TGFBR1: variants seen among roughly 807,000 people sequenced by gnomAD.
The protein encoded by TGFBR1 is transforming growth factor beta receptor 1, also known as TGF-beta receptor type-1.
Under a neutral mutation model 55.1 loss-of-function variants are expected in TGFBR1, and 20 were observed. The observed-to-expected ratio is 0.36, with a 90% CI of 0.26 to 0.53. The LOEUF is 0.53. TGFBR1 is among the 20% of genes least tolerant of loss of function. The pLI is 0.91. For missense variants in TGFBR1, 385 were observed against 617.6 expected (o/e 0.62, Z 3.99); for synonymous variants, 220 against 214.8 (o/e 1.02, Z -0.21).
intron 3 of TGFBR1, among the ~76,000 whole-genome samples, chr9:99,134,830 A>ATATATATATATATTTG (rs1827378760): frequency 8.9e-6 from 1 of 112,508 alleles, no homozygotes; most frequent in African/African-American, 3.2e-5. Context: ...ATATATATAT[A>ATATATATATATATTTG]TATATATATA....
chr9:99,140,049 A>C (rs534622055), intron 4 of TGFBR1, among the ~76,000 whole-genome samples: 2 of 152,218 alleles, frequency 1.3e-5, no homozygotes, highest in Non-Finnish European at 2.9e-5. Context: ...ATCCTATTGC[A>C]TCATATGTGG....
rs1828016460 is a variant in TGFBR1, at chr9:99,152,874, ACTTC to A, written c.*3570_*3573del. 1 of 231,428 alleles carries A rather than the reference ACTTC, an allele frequency of 4.3e-6. No individual in the cohort carries two copies. Among genetic ancestry groups the A allele is most frequent in the African/African-American group, 2.2e-5 (1 of 45,234 alleles). 14.3% of individuals were successfully genotyped at this position (231,428 alleles called of 1,614,324 possible). ...CCATGGGCCCTCTCAAGAGTGCTGG[ACTTC>A]TAGGACATTAAGATGATTGTCAGTA... is the stretch of plus-strand genomic sequence containing the variant. On this transcript the variant is annotated 3_prime_UTR_variant, in exon 9 of 9. Transcript: ENST00000374994.
chr9:99,139,463 T>C (rs191746963), intron 4 of TGFBR1, among the ~76,000 whole-genome samples: 6 of 152,238 alleles, frequency 3.9e-5, no homozygotes, highest in Non-Finnish European at 7.4e-5. Flanking sequence ...AAAAGCAGAG[T>C]AGTTACAGTG....
At chr9:99,121,712 T>C (rs921383613) in intron 1 of TGFBR1, among the ~76,000 whole-genome samples, 2 of 152,264 alleles carry the variant, frequency 1.3e-5, no homozygotes, top group East Asian at 3.9e-4. Flanking sequence ...ACTTGCCTGT[T>C]GGTACATGTT....
chr9:99,131,168 A>G (rs1313645828), intron 2 of TGFBR1, among the ~76,000 whole-genome samples: 4 of 152,194 alleles, frequency 2.6e-5, no homozygotes, highest in African/African-American at 9.6e-5. Context: ...AAAGAATTAT[A>G]TAAGCATTTA....
Position 99,131,274 on chromosome 9 carries a change from G to A in TGFBR1, c.344-1235G>A, listed in dbSNP as rs557420318. Among the ~76,000 whole-genome samples, 19 of 151,332 alleles carry A rather than the reference G, an allele frequency of 1.3e-4. No individual in the cohort carries two copies. The East Asian group carries it at 3.3e-3, about 26-fold the overall frequency. The stretch of plus-strand genomic sequence containing the variant: ...CAAAGGGCAAATGGAACATTTTTAC[G>A]ATCACCTAAAATTCTTGAAATAGGC... On this transcript the variant is annotated intron_variant, in intron 2 of 8. Transcript: ENST00000374994.
intron 4 of TGFBR1, among the ~76,000 whole-genome samples, chr9:99,138,862 A>G (rs905225557): frequency 2.8e-4 from 43 of 152,024 alleles, no homozygotes; most frequent in African/African-American, 9.9e-4. Context: ...CAGTGGTGCA[A>G]TCTCGGCTCA....
chr9:99,142,819 G>A, intron 5 of TGFBR1, 116 bp downstream of exon 5: 1 of 1,221,160 alleles, frequency 8.2e-7, no homozygotes, highest in Non-Finnish European at 1.2e-6. Flanking sequence ...AGCACTTTGG[G>A]AGGCTGAGGT....
intron 1 of TGFBR1, among the ~76,000 whole-genome samples, chr9:99,115,945 C>T (rs1826722519): frequency 6.6e-6 from 1 of 152,182 alleles, no homozygotes; most frequent in Non-Finnish European, 1.5e-5. Context: ...AAGACAATTT[C>T]TGATTGCCAG....
chr9:99,146,710 C>G (rs1827808807), intron 7 of TGFBR1, 101 bp downstream of exon 7: 1 of 1,555,336 alleles, frequency 6.4e-7, no homozygotes, highest in Non-Finnish European at 8.9e-7. Context: ...AGTCCATTAT[C>G]TGAAACAGGA....
chr9:99,138,674 A>T (rs1468725705), intron 4 of TGFBR1, among the ~76,000 whole-genome samples: 1 of 152,232 alleles, frequency 6.6e-6, no homozygotes, highest in East Asian at 1.9e-4. Context: ...GTGTCAGGTC[A>T]GATGCTGAAG....
chr9:99,106,092 C>T (rs1826407184), intron 1 of TGFBR1, among the ~76,000 whole-genome samples: 2 of 152,258 alleles, frequency 1.3e-5, no homozygotes, highest in East Asian at 1.9e-4. Flanking sequence ...AACGTTTGCT[C>T]ATTCTGCGGG....
At chr9:99,122,799 T>C (rs961451905) in intron 1 of TGFBR1, among the ~76,000 whole-genome samples, 27 of 152,170 alleles carry the variant, frequency 1.8e-4, no homozygotes, top group African/African-American at 6.0e-4. Flanking sequence ...ACCTAAGTTA[T>C]AGTTGCAAGG....
Position 99,105,233 on chromosome 9 carries a change from C to A in TGFBR1, c.28C>A (p.Pro10Thr). The A allele has an allele frequency of 2.8e-6, 3 of 1,072,124 alleles. No homozygotes were observed. Among genetic ancestry groups the A allele is most frequent in the Admixed American group, 5.5e-5 (1 of 18,144 alleles). 66.4% of individuals were successfully genotyped at this position (1,072,124 alleles called of 1,614,324 possible). The change falls in exon 1 of 9, where the codon CCC becomes ACC. Residue 10 changes from proline to threonine, a missense_variant. Pro to Thr is a conservative substitution (Grantham distance 38). Around this residue, in one of 5 missense-constraint regions of TGFBR1, gnomAD observed 37 missense variants for 40.2 expected, o/e 0.92. Coordinates refer to ENST00000374994, the MANE Select transcript of TGFBR1 (RefSeq NM_004612.4). Reference protein sequence around the residue: MEAAVAAPRPRLLLLVLAAA... With the variant: MEAAVAAPRTRLLLLVLAAA... ...GGAGGCGGCGGTCGCTGCTCCGCGT[C>A]CCCGGCTGCTCCTCCTCGTGCTGGC...
rs1827918720 is a variant in TGFBR1, at chr9:99,149,552, T to C, written c.*247T>C. ...AGAAAATGTGTAGTCTACCTTTATT[T>C]TTTATTAACAAAACTTGTTTTTTAA... On this transcript the variant is annotated 3_prime_UTR_variant, in exon 9 of 9. Coordinates refer to ENST00000374994, the MANE Select transcript of TGFBR1 (RefSeq NM_004612.4). 2.1e-6 allele frequency: 1 copy of C among 465,720 alleles called. No individual in the cohort carries two copies. The highest frequency in any genetic ancestry group is 3.6e-5 in the East Asian group (1 of 27,404). The allele number at this position is 465,720 out of a possible 1,614,324, so 28.8% of individuals were successfully genotyped here. A position where few individuals can be genotyped will look rare whatever the true frequency, so the allele number is the denominator to read the frequency against.
At chr9:99,139,118 CCT>C (rs1463055439) in intron 4 of TGFBR1, among the ~76,000 whole-genome samples, 3 of 151,776 alleles carry the variant, frequency 2.0e-5, no homozygotes, top group African/African-American at 4.8e-5. Context: ...ATTTTTACTG[CCT>C]CTGTCAGAGA....
intron 3 of TGFBR1, among the ~76,000 whole-genome samples, chr9:99,133,462 A>G (rs924296429): frequency 2.0e-5 from 3 of 152,214 alleles, no homozygotes; most frequent in Non-Finnish European, 4.4e-5. Context: ...AAAGGGGGTT[A>G]TCTTTTACTT....
intron 1 of TGFBR1, among the ~76,000 whole-genome samples, chr9:99,124,531 G>T (rs528988797): frequency 5.9e-5 from 9 of 151,642 alleles, no homozygotes; most frequent in African/African-American, 2.2e-4. Flanking sequence ...GGTTGGGGGG[G>T]GCAGTATCCA....
intron 1 of TGFBR1, among the ~76,000 whole-genome samples, chr9:99,117,244 C>T (rs551886018): frequency 7.1e-6 from 1 of 141,140 alleles, no homozygotes; most frequent in African/African-American, 2.7e-5. Flanking sequence ...TCTGCCACCA[C>T]GCCTGGCTAT....
Sources: allele counts gnomAD v4.1 joint callset (sites outside exome capture counted in the v4.1 genomes callset), GRCh38; gene constraint gnomAD v4.1.1; regional missense constraint gnomAD v4.1.1; transcripts MANE v1.5; gene names NCBI Gene and HGNC (gene_info 2026-07-23, HGNC 2026-07-21).